The following UPF1 variants were observed in gnomAD, a reference collection of about 807,000 sequenced individuals.
UPF1 encodes regulator of nonsense transcripts 1.
UPF1 carries 9 observed loss-of-function variants against 129.2 expected under a neutral mutation model. That is an observed-to-expected ratio of 0.07 (90% confidence interval 0.04 to 0.12). The LOEUF is 0.12. Ranked by LOEUF, UPF1 falls within the 10% of genes least tolerant of loss-of-function variation. The pLI, the probability that UPF1 is intolerant of heterozygous loss-of-function variation, is 1.00. For missense variants in UPF1, 788 were observed against 1,525.3 expected, an observed-to-expected ratio of 0.52 and a Z score of 8.05; for synonymous variants, 649 against 644.9, an observed-to-expected ratio of 1.01 and a Z score of -0.10.
At chr19:18,860,221 C>A in intron 15 of UPF1, 100 bp from the exon 16 acceptor site, 1 of 1,249,972 alleles carries the variant, frequency 8.0e-7, no homozygotes, top group Non-Finnish European at 1.2e-6. Context: ...TGCCCCAGGA[C>A]CTGCAGCACT....
rs754213556 is a variant in UPF1 at position 18,856,236 on chromosome 19, TGTC to T, written c.1764_1766del (p.Ser589del). ...CAGCTGAAAGACGAGACTGGGGAGC[TGTC>T]GTCTGCCGACGAGAAGCGGTACCGG... On this transcript the variant is annotated inframe_deletion, in exon 13 of 24. Coordinates refer to ENST00000262803, the MANE Select transcript of UPF1 (RefSeq NM_002911.4). The T allele has an allele frequency of 6.2e-7, 1 of 1,610,554 alleles. No individual in the cohort carries two copies.
rs930805520 is a variant in UPF1 at position 18,845,903 on chromosome 19, A to G, written c.232-77A>G. 5.8e-6 allele frequency: 9 copies of G among 1,545,882 alleles called. No individual in the cohort carries two copies. In the Admixed American group the frequency reaches 1.7e-4, roughly 29 times the overall value. ...AGATGAGGCCAGGGTGTCACACCAG[A>G]GTCATCGAGGCTGGTTCTTCTGCAC... On this transcript the variant is annotated intron_variant, in intron 1 of 23. Transcript: ENST00000262803.
At chr19:18,855,062 G>T in intron 10 of UPF1, 24 bp downstream of exon 10, 3 of 1,613,042 alleles carry the variant, frequency 1.9e-6, no homozygotes, top group Non-Finnish European at 2.5e-6. Context: ...TCAGCGCGCG[G>T]GGCCTCGCCC....
intron 1 of UPF1, among the ~76,000 whole-genome samples, chr19:18,838,588 C>T (rs1189793429): frequency 4.6e-5 from 7 of 151,736 alleles, no homozygotes; most frequent in East Asian, 1.9e-4. Context: ...GTGGAGGTTG[C>T]GGTGAGCTGA....
rs1186490653 is a variant in UPF1 at position 18,836,544 on chromosome 19, G to A, written c.231+4104G>A. On this transcript the variant is annotated intron_variant, in intron 1 of 23. Transcript: ENST00000262803. ...TGGCTGGACAGAAAGGTGGGAAAGGGGAGGCAGGTGACAAAGGGCACAGGA... is the reference window on the plus strand; with the variant it reads ...TGGCTGGACAGAAAGGTGGGAAAGGAGAGGCAGGTGACAAAGGGCACAGGA... Among the ~76,000 whole-genome samples the A allele has an allele frequency of 2.0e-5, 3 of 152,184 alleles. No homozygotes were observed. In the East Asian group the frequency reaches 5.8e-4, roughly 29 times the overall value.
intron 16 of UPF1, 143 bp from the exon 17 acceptor site, chr19:18,860,683 G>C: frequency 8.0e-7 from 1 of 1,247,228 alleles, no homozygotes; most frequent in Non-Finnish European, 1.1e-6. Context: ...CCCTGGTGAA[G>C]GCTGGGGAAG....
At chr19:18,852,065 C>T (rs2055664260) in intron 5 of UPF1, 70 bp from the exon 6 acceptor site, 1 of 1,489,208 alleles carries the variant, frequency 6.7e-7, no homozygotes, top group Non-Finnish European at 8.9e-7. Context: ...CCTCTGGTGC[C>T]TCTGCGCCCT....
chr19:18,857,866 A>G (rs2055735739), intron 15 of UPF1, among the ~76,000 whole-genome samples: 1 of 152,246 alleles, frequency 6.6e-6, no homozygotes, highest in Admixed American at 6.5e-5. Flanking sequence ...TCAGTGCTTC[A>G]TGAAGAACAG....
At chr19:18,836,948 T>G (rs1287120727) in intron 1 of UPF1, among the ~76,000 whole-genome samples, 1 of 151,484 alleles carries the variant, frequency 6.6e-6, no homozygotes, top group Non-Finnish European at 1.5e-5. Context: ...GAGGCAGGGT[T>G]TCACCATGTT....
At chr19:18,839,597 T>A (rs1331449941) in intron 1 of UPF1, among the ~76,000 whole-genome samples, 2 of 151,604 alleles carry the variant, frequency 1.3e-5, no homozygotes, top group Non-Finnish European at 2.9e-5. Flanking sequence ...CCTGGGGAGG[T>A]CAGAAACATG....
At chr19:18,834,763 G>A (rs1049557125) in intron 1 of UPF1, among the ~76,000 whole-genome samples, 1 of 152,212 alleles carries the variant, frequency 6.6e-6, no homozygotes, top group Non-Finnish European at 1.5e-5. Flanking sequence ...TGAAGGCAGT[G>A]TCTGCTAAGA....
rs1366557281 is a variant in UPF1 at position 18,865,394 on chromosome 19, TCATGCCACC to T, written c.2973_2981del (p.Met992_Pro994del). ...AACATTCCCATCCCCTTCAACCTGG[TCATGCCACC>T]CATGCCACCGCCTGGCTATTTTGGA... On this transcript the variant is annotated inframe_deletion, in exon 21 of 24. Coordinates refer to ENST00000262803, the MANE Select transcript of UPF1 (RefSeq NM_002911.4). This position sits in a 1 kb window ranked among gnomAD's most constrained non-coding sequence, Gnocchi z 6.1. The T allele has an allele frequency of 3.7e-6, 6 of 1,613,952 alleles. No homozygotes were observed. The highest frequency in any genetic ancestry group is 1.6e-4 in the Middle Eastern group (1 of 6,084).
intron 19 of UPF1, 118 bp downstream of exon 19, chr19:18,863,730 G>T: frequency 7.3e-7 from 1 of 1,377,870 alleles, no homozygotes; most frequent in Non-Finnish European, 9.7e-7. Context: ...TCCTAGGGGA[G>T]GGTGGGCTCT....
intron 16 of UPF1, among the ~76,000 whole-genome samples, 173 bp downstream of exon 16, chr19:18,860,611 G>A (rs890752740): frequency 9.2e-5 from 14 of 152,188 alleles, no homozygotes; most frequent in Non-Finnish European, 1.9e-4. Context: ...CATTGTACTT[G>A]TTTTTTATTG....
At chr19:18,841,944 A>G (rs1391322112) in intron 1 of UPF1, among the ~76,000 whole-genome samples, 1 of 152,172 alleles carries the variant, frequency 6.6e-6, no homozygotes, top group African/African-American at 2.4e-5. Context: ...TGAAAAATTA[A>G]AAAACTTTCT....
rs1342030188 is a variant in UPF1, at chr19:18,865,465, CTGCGGCTGGG to C, written c.3019+18_3019+27del. ...GCCTGCTGCAGGTGAGCATCTGTGG[CTGCGGCTGGG>C]TGTGGCCCTCCTGAGAGCTCTTGAG... On this transcript the variant is annotated intron_variant, in intron 21 of 23. Coordinates refer to ENST00000262803, the MANE Select transcript of UPF1 (RefSeq NM_002911.4). This position sits in a 1 kb window ranked among gnomAD's most constrained non-coding sequence, Gnocchi z 6.1. 2 of 1,612,096 alleles carry C rather than the reference CTGCGGCTGGG, an allele frequency of 1.2e-6. No homozygotes were observed. Among genetic ancestry groups the C allele is most frequent in the Admixed American group, 3.3e-5 (2 of 59,982 alleles).
chr19:18,846,512 C>T (rs1380315963), intron 2 of UPF1, among the ~76,000 whole-genome samples: 2 of 152,018 alleles, frequency 1.3e-5, no homozygotes, highest in Non-Finnish European at 2.9e-5. Context: ...CTGCAGGGTT[C>T]TGGGGCATCC....
intron 15 of UPF1, chr19:18,859,680 C>T (rs1288623695): frequency 6.6e-6 from 1 of 152,354 alleles, no homozygotes; most frequent in East Asian, 1.9e-4. Context: ...ATGGAAGCTC[C>T]CAGTAGAGTG....
In UPF1 at chr19:18,865,043, C is replaced by T. The variant is rs2055826783; in HGVS notation, c.2858-246C>T. ...AGCCAACACGCCCGGCCCCAATTTT[C>T]AGTTTTTAAGATCTGTGTAGGCCAA... On this transcript the variant is annotated intron_variant, in intron 20 of 23. Coordinates refer to ENST00000262803, the MANE Select transcript of UPF1 (RefSeq NM_002911.4). The surrounding 1 kb of genome is among the most constrained non-coding windows in gnomAD (Gnocchi z 6.1). Among the ~76,000 whole-genome samples the T allele has an allele frequency of 1.3e-5, 2 of 152,228 alleles. No homozygotes were observed. Among genetic ancestry groups the T allele is most frequent in the Non-Finnish European group, 2.9e-5 (2 of 68,034 alleles).
Sources: gnomAD v4.1 joint callset for allele counts (sites outside exome capture counted in the v4.1 genomes callset) on GRCh38, gnomAD v4.1.1 for gene constraint, Gnocchi (gnomAD v3.1) non-coding constraint, MANE v1.5 for transcripts, NCBI Gene and HGNC (gene_info 2026-07-23, HGNC 2026-07-21) for gene names.